TEK: variants seen among roughly 807,000 people sequenced by gnomAD.
TEK encodes the protein angiopoietin-1 receptor.
Under a neutral mutation model 131.8 loss-of-function variants are expected in TEK, and 43 were observed. The observed-to-expected ratio is 0.33, with a 90% CI of 0.26 to 0.42. The LOEUF is 0.42. Ranked by LOEUF, TEK falls within the 10% of genes least tolerant of loss-of-function variation. TEK has a pLI of 1.00. For missense variants in TEK, 1,162 were observed against 1,384.4 expected (o/e 0.84, Z 2.55); for synonymous variants, 580 against 491.6 (o/e 1.18, Z -2.38).
intron 1 of TEK, among the ~76,000 whole-genome samples, chr9:27,144,562 CA>C (rs1822846017): frequency 6.6e-6 from 1 of 152,182 alleles, no homozygotes; most frequent in African/African-American, 2.4e-5. Flanking sequence ...GTTGGAATTT[CA>C]CCTGGCAAAT....
chr9:27,137,919 G>C (rs1202385365), intron 1 of TEK, among the ~76,000 whole-genome samples: 1 of 152,188 alleles, frequency 6.6e-6, no homozygotes, highest in East Asian at 1.9e-4. Context: ...AGTTCTTAAA[G>C]ATGGTGTGTC....
At chr9:27,191,688 A>G (rs550938991) in intron 10 of TEK, among the ~76,000 whole-genome samples, 4 of 152,294 alleles carry the variant, frequency 2.6e-5, no homozygotes, top group African/African-American at 9.6e-5. Flanking sequence ...AGTCCTTCAC[A>G]TACTATTGTA....
chr9:27,137,979 T>C (rs1306813676), intron 1 of TEK, among the ~76,000 whole-genome samples: 2 of 152,110 alleles, frequency 1.3e-5, no homozygotes, highest in East Asian at 3.9e-4. Context: ...TCCAGTGGGT[T>C]TGTGGTCTCG....
Position 27,203,094 on chromosome 9 carries a change from A to G in TEK, c.2184A>G (p.Glu728=). 1 of 1,614,090 alleles carries G rather than the reference A, an allele frequency of 6.2e-7. No homozygotes were observed. The highest frequency in any genetic ancestry group is 2.2e-5 in the East Asian group (1 of 44,864). ...IGSSNPAFSH[E]LVTLPESQAP... ...CAAGCAACCCAGCCTTTTCTCATGA[A>G]CTGGTGACCCTCCCAGAATCTCAAG... The change falls in exon 13 of 23, where the codon GAA becomes GAG. Residue 728 remains glutamate (E), a synonymous_variant. Transcript: ENST00000380036.
chr9:27,172,886 G>C, intron 5 of TEK, 139 bp downstream of exon 5: 3 of 1,219,122 alleles, frequency 2.5e-6, no homozygotes, highest in Non-Finnish European at 3.5e-6. Flanking sequence ...GTGTGAATTA[G>C]AAAAAGGTGC....
chr9:27,135,379 T>C (rs1273699524), intron 1 of TEK, among the ~76,000 whole-genome samples: 1 of 152,090 alleles, frequency 6.6e-6, no homozygotes, highest in Non-Finnish European at 1.5e-5. Context: ...GTAGGGTAGG[T>C]TGCCACCTTA....
At chr9:27,158,755 G>A (rs1240144433) in intron 2 of TEK, among the ~76,000 whole-genome samples, 2 of 151,670 alleles carry the variant, frequency 1.3e-5, no homozygotes, top group Non-Finnish European at 2.9e-5. Flanking sequence ...CGCCTCCCGG[G>A]TTCAAGCGAT....
At chr9:27,187,308 C>G (rs2038569) in intron 9 of TEK, among the ~76,000 whole-genome samples, 18,432 of 152,226 alleles carry the variant, frequency 0.12, 1,326 homozygotes, top group Admixed American at 0.22. Context: ...TAATCAGCAT[C>G]TTTTATTATA....
At chr9:27,138,040 T>C (rs1208863896) in intron 1 of TEK, among the ~76,000 whole-genome samples, 2 of 152,160 alleles carry the variant, frequency 1.3e-5, no homozygotes, top group African/African-American at 4.8e-5. Context: ...TTACAGCTCT[T>C]AAAGGTGGCG....
chr9:27,190,665 C>T lies in TEK; in HGVS notation c.1464C>T (p.His488=), dbSNP rs1208415580. Residue 488 remains histidine, a synonymous_variant, in exon 10 of 23, where the codon CAC becomes CAT. Coordinates refer to ENST00000380036, the MANE Select transcript of TEK (RefSeq NM_000459.5). ...SKKLLYKPVN[H]YEAWQHIQVT... ...AGCTTCTATACAAACCCGTTAATCACTATGAGGCTTGGCAACATATTCAAG... is the reference window on the plus strand; with the variant it reads ...AGCTTCTATACAAACCCGTTAATCATTATGAGGCTTGGCAACATATTCAAG... 2 of 1,613,862 alleles carry T rather than the reference C, an allele frequency of 1.2e-6. No homozygotes were observed. The highest frequency in any genetic ancestry group is 1.7e-6 in the Non-Finnish European group (2 of 1,179,880).
chr9:27,155,198 G>A (rs1259005128), intron 1 of TEK, among the ~76,000 whole-genome samples: 1 of 152,186 alleles, frequency 6.6e-6, no homozygotes, highest in African/African-American at 2.4e-5. Context: ...GTCAGGCCTG[G>A]GTATGTACGT....
rs1376739285 is a variant in TEK, at chr9:27,228,148, C to T, written c.3201-58C>T. On this transcript the variant is annotated intron_variant, in intron 21 of 22. Transcript: ENST00000380036. ...TTCATTCTCTCCTCTCTTTTCCTGC[C>T]GTGCCTAGGACTGAAGCACAGTTAT... The T allele has an allele frequency of 2.8e-5, 39 of 1,410,418 alleles. No homozygotes were observed. The East Asian group carries it at 6.2e-4, about 23-fold the overall frequency. The allele number at this position is 1,410,418 out of a possible 1,614,324, so 87.4% of individuals were successfully genotyped here. A position where few individuals can be genotyped will look rare whatever the true frequency, so the allele number is the denominator to read the frequency against.
At chr9:27,113,865 G>A (rs1441237550) in intron 1 of TEK, among the ~76,000 whole-genome samples, 1 of 152,020 alleles carries the variant, frequency 6.6e-6, no homozygotes, top group African/African-American at 2.4e-5. Flanking sequence ...TTTGTATCTT[G>A]TCTGCTTCAA....
At chr9:27,219,752 T>TCAG (rs1466477427) in intron 20 of TEK, among the ~76,000 whole-genome samples, 4 of 138,052 alleles carry the variant, frequency 2.9e-5, no homozygotes, top group African/African-American at 5.6e-5. Context: ...CTTATTGGTA[T>TCAG]AATAAAGGTT....
chr9:27,117,908 G>A (rs1374573961), intron 1 of TEK, among the ~76,000 whole-genome samples: 1 of 152,200 alleles, frequency 6.6e-6, no homozygotes, highest in Admixed American at 6.5e-5. Context: ...GGAAGACAAT[G>A]CTCGGCCACT....
chr9:27,115,156 A>G (rs1253883765), intron 1 of TEK, among the ~76,000 whole-genome samples: 1 of 152,230 alleles, frequency 6.6e-6, no homozygotes, highest in Non-Finnish European at 1.5e-5. Context: ...CAAGGGCTGT[A>G]AAAGTTTTTA....
chr9:27,150,036 C>A (rs551445237), intron 1 of TEK, among the ~76,000 whole-genome samples: 2 of 152,238 alleles, frequency 1.3e-5, no homozygotes, highest in South Asian at 4.1e-4. Context: ...ATTTCTCTGT[C>A]CTGTACCCTT....
chr9:27,148,777 T>C (rs1174034129), intron 1 of TEK, among the ~76,000 whole-genome samples: 8 of 152,258 alleles, frequency 5.3e-5, no homozygotes, highest in Non-Finnish European at 1.5e-5. Context: ...TTGCTATTGG[T>C]TCAACGACTT....
rs112068332 is a variant in TEK at position 27,194,861 on chromosome 9, A to G, written c.1624+2238A>G. 5.9e-3 allele frequency among the ~76,000 whole-genome samples: 892 copies of G among 152,216 alleles called. 9 individuals carry two copies. The highest frequency in any genetic ancestry group is 0.02 in the African/African-American group (822 of 41,512). ...TTTATGTGTGTTGATTGAGATGGTG[A>G]AGGCCAGGGAGTCCGGGAGGGGAAG... On this transcript the variant is annotated intron_variant, in intron 11 of 22. Coordinates refer to ENST00000380036, the MANE Select transcript of TEK (RefSeq NM_000459.5).
Sources: allele counts gnomAD v4.1 joint callset (sites outside exome capture counted in the v4.1 genomes callset), GRCh38; gene constraint gnomAD v4.1.1; transcripts MANE v1.5; gene names NCBI Gene and HGNC (gene_info 2026-07-23, HGNC 2026-07-21).